AKAP13: variants seen among roughly 807,000 people sequenced by gnomAD.
The protein encoded by AKAP13 is A-kinase anchor protein 13.
In AKAP13, 80 loss-of-function variants were observed where a neutral mutation model predicts 264.5. The ratio of observed to expected loss-of-function variants is 0.30; its 90% CI spans 0.25 to 0.36. AKAP13 has a LOEUF of 0.36. Ranked by LOEUF, AKAP13 falls within the 10% of genes least tolerant of loss-of-function variation. The probability of loss-of-function intolerance (pLI) is 1.00; values close to 1 mark genes in which losing one functional copy is unlikely to be tolerated. For missense variants in AKAP13, 3,712 were observed against 3,435.2 expected (o/e 1.08, Z -2.01); for synonymous variants, 1,380 against 1,250.2 (o/e 1.10, Z -2.19).
rs756918402 is a variant in AKAP13, at chr15:85,579,590, T to C, written c.1522T>C (p.Phe508Leu). 1 of 1,614,172 alleles carries C rather than the reference T, an allele frequency of 6.2e-7. No individual in the cohort carries two copies. Among genetic ancestry groups the C allele is most frequent in the Non-Finnish European group, 8.5e-7 (1 of 1,180,032 alleles). Residue 508 changes from phenylalanine to leucine, a missense_variant, in exon 7 of 37, where the codon TTT (phenylalanine) becomes CTT (leucine). Transcript: ENST00000394518. Reference protein sequence around the residue: ...LQGGESTKERFENSNIGTAGA... With the variant: ...LQGGESTKERLENSNIGTAGA... The stretch of plus-strand genomic sequence containing the variant: ...GGGAGGGGAAAGTACAAAGGAAAGA[T>C]TTGAGAACTCTAATATTGGCACAGC...
intron 20 of AKAP13, among the ~76,000 whole-genome samples, chr15:85,716,450 C>T (rs1006551323): frequency 2.0e-5 from 3 of 152,206 alleles, no homozygotes; most frequent in Non-Finnish European, 2.9e-5. Flanking sequence ...TTTCTGGTCT[C>T]CTGGCCAGGC....
At chr15:85,389,809 C>T (rs1299049674) in intron 1 of AKAP13, 1 of 152,246 alleles carries the variant, frequency 6.6e-6, no homozygotes, top group African/African-American at 2.4e-5. Context: ...CTATTATTTT[C>T]TGTCCCCCCG....
chr15:85,682,628 T>G (rs974276122), intron 15 of AKAP13, among the ~76,000 whole-genome samples: 3 of 152,206 alleles, frequency 2.0e-5, no homozygotes, highest in Admixed American at 2.0e-4. Context: ...TCTGTATACA[T>G]GTAAATGATA....
intron 8 of AKAP13, chr15:85,619,630 C>G (rs961992261): frequency 3.0e-6 from 3 of 986,190 alleles, no homozygotes; most frequent in Non-Finnish European, 3.6e-6. Flanking sequence ...CTTTCTTTCT[C>G]TCCCTCTTCC....
intron 1 of AKAP13, among the ~76,000 whole-genome samples, chr15:85,438,615 CAG>C (rs1363252029): frequency 2.7e-5 from 4 of 147,226 alleles, no homozygotes; most frequent in African/African-American, 7.6e-5. Context: ...GGTACCAAAA[CAG>C]AGATATAGAT....
At chr15:85,601,634 G>A (rs2080080106) in intron 8 of AKAP13, among the ~76,000 whole-genome samples, 1 of 151,314 alleles carries the variant, frequency 6.6e-6, no homozygotes, top group Admixed American at 6.6e-5. Flanking sequence ...GTGTGTGTGT[G>A]TGTGTGTGTG....
chr15:85,578,819 A>C lies in AKAP13; in HGVS notation c.862-111A>C. 1.4e-5 allele frequency: 13 copies of C among 953,720 alleles called. No homozygotes were observed. In the South Asian group the frequency reaches 2.1e-4, roughly 16 times the overall value. The allele number at this position is 953,720 out of a possible 1,614,324, so 59.1% of individuals were successfully genotyped here. On this transcript the variant is annotated intron_variant, in intron 6 of 36. Coordinates refer to ENST00000394518, the MANE Select transcript of AKAP13 (RefSeq NM_007200.5). Reference sequence around the variant, plus strand: ...TTAGATTCGCTTATCATGTGACCTTAGAAGAGCTAGAATAGAAGTGAGTTC... The same window carrying C: ...TTAGATTCGCTTATCATGTGACCTTCGAAGAGCTAGAATAGAAGTGAGTTC...
intron 14 of AKAP13, among the ~76,000 whole-genome samples, chr15:85,675,827 A>C (rs1410493857): frequency 6.6e-6 from 1 of 152,206 alleles, no homozygotes; most frequent in African/African-American, 2.4e-5. Flanking sequence ...GGAATCATTT[A>C]CATTGATTAA....
At chr15:85,685,472 G>GTGTGTGTGTGTGTGTGTC (rs1254616928) in intron 16 of AKAP13, 3 of 148,416 alleles carry the variant, frequency 2.0e-5, no homozygotes, top group African/African-American at 7.6e-5. Flanking sequence ...GTGTGTGTGT[G>GTGTGTGTGTGTGTGTGTC]TGTGTGTGTG....
chr15:85,446,896 A>C lies in AKAP13; in HGVS notation c.-11-38814A>C, dbSNP rs547225931. On this transcript the variant is annotated intron_variant, in intron 1 of 36. Transcript: ENST00000394518. ...ATAAATATCTGGGTTTCACCAAGGA[A>C]GGAATGGGAAAATGGGTTAAACTTA... Among the ~76,000 whole-genome samples, 4 of 152,266 alleles carry C rather than the reference A, an allele frequency of 2.6e-5. No homozygotes were observed. The East Asian group carries it at 7.7e-4, about 29-fold the overall frequency.
chr15:85,430,230 A>G (rs2072966663), intron 1 of AKAP13, among the ~76,000 whole-genome samples: 1 of 152,236 alleles, frequency 6.6e-6, no homozygotes, highest in Non-Finnish European at 1.5e-5. Context: ...ACCATTGTTT[A>G]CTATAATGGG....
At chr15:85,726,540 G>A in intron 27 of AKAP13, 54 bp downstream of exon 27, 2 of 1,464,780 alleles carry the variant, frequency 1.4e-6, no homozygotes, top group Non-Finnish European at 1.9e-6. Flanking sequence ...GTTTAGTTAT[G>A]GAATGTAAGC....
At chr15:85,648,214 T>C (rs1393298458) in intron 10 of AKAP13, among the ~76,000 whole-genome samples, 4 of 152,230 alleles carry the variant, frequency 2.6e-5, no homozygotes, top group Non-Finnish European at 5.9e-5. Context: ...TTGATAATCA[T>C]TGAAACTAGG....
intron 8 of AKAP13, among the ~76,000 whole-genome samples, chr15:85,632,371 C>T (rs944679319): frequency 6.6e-6 from 1 of 152,116 alleles, no homozygotes; most frequent in Non-Finnish European, 1.5e-5. Flanking sequence ...GCCTGTGTGA[C>T]CTTTGCCCTT....
chr15:85,420,285 AGC>A (rs760860414), intron 1 of AKAP13, among the ~76,000 whole-genome samples: 23 of 151,854 alleles, frequency 1.5e-4, no homozygotes, highest in Non-Finnish European at 2.6e-4. Context: ...CTGATAGAGC[AGC>A]GATGGCTTCA....
At chr15:85,504,503 CA>C (rs566579814) in intron 2 of AKAP13, among the ~76,000 whole-genome samples, 45 of 91,026 alleles carry the variant, frequency 4.9e-4, no homozygotes, top group African/African-American at 1.8e-3. Context: ...CCTGTCTTTA[CA>C]AAAAAAAAAA....
intron 1 of AKAP13, among the ~76,000 whole-genome samples, chr15:85,437,732 C>T (rs2073380688): frequency 6.6e-6 from 1 of 152,210 alleles, no homozygotes; most frequent in South Asian, 2.1e-4. Flanking sequence ...ATGGTTATCT[C>T]AATAGATGCA....
rs1040139085 is a variant in AKAP13, at chr15:85,719,710, G to A, written c.6252+384G>A. On this transcript the variant is annotated intron_variant, in intron 23 of 36. Coordinates refer to ENST00000394518, the MANE Select transcript of AKAP13 (RefSeq NM_007200.5). ...CAGCACTTTGGGAGATGAGGAGGGC[G>A]GATCACTTGAGGTCAGGAGTTCAAG... Among the ~76,000 whole-genome samples, 8 of 151,918 alleles carry A rather than the reference G, an allele frequency of 5.3e-5. No homozygotes were observed. In the South Asian group the frequency reaches 8.3e-4, roughly 16 times the overall value.
chr15:85,417,613 CTTAT>C (rs1476921117), intron 1 of AKAP13, among the ~76,000 whole-genome samples: 1 of 152,140 alleles, frequency 6.6e-6, no homozygotes, highest in African/African-American at 2.4e-5. Context: ...TTGTGAGATA[CTTAT>C]TTGAGAGCAA....
Sources: allele counts gnomAD v4.1 joint callset (sites outside exome capture counted in the v4.1 genomes callset), GRCh38; gene constraint gnomAD v4.1.1; transcripts MANE v1.5; gene names NCBI Gene and HGNC (gene_info 2026-07-23, HGNC 2026-07-21).